Variants in CNBD1 observed in about 807,000 individuals in gnomAD.
CNBD1 encodes the protein cyclic nucleotide binding domain containing 1.
Under a neutral mutation model 54.4 loss-of-function variants are expected in CNBD1, and 71 were observed. The ratio of observed to expected loss-of-function variants is 1.30; its 90% CI spans 1.08 to 1.59. CNBD1 has a LOEUF of 1.59. CNBD1 is among the 40% of genes most tolerant of loss of function. The pLI is 0.00. For missense variants in CNBD1, 659 were observed against 518.0 expected (o/e 1.27, Z -2.64); for synonymous variants, 182 against 170.7 (o/e 1.07, Z -0.51).
Position 87,305,078 on chromosome 8 carries a change from G to A in CNBD1, c.1042+18407G>A, listed in dbSNP as rs182973542. Among the ~76,000 whole-genome samples, 108 of 152,208 alleles carry A rather than the reference G, an allele frequency of 7.1e-4. 1 individual carries two copies. Among genetic ancestry groups the A allele is most frequent in the Non-Finnish European group, 1.3e-3 (91 of 68,012 alleles). ...ATAAGTTTCTGGGTACAAGATTAAT[G>A]TGCACAAATCAGTAGCTCTTCTATA... On this transcript the variant is annotated intron_variant, in intron 8 of 10. Coordinates refer to ENST00000518476, the MANE Select transcript of CNBD1 (RefSeq NM_173538.3).
intron 4 of CNBD1, among the ~76,000 whole-genome samples, chr8:87,086,699 A>G (rs984608164): frequency 2.6e-5 from 4 of 152,162 alleles, no homozygotes; most frequent in Admixed American, 1.3e-4. Flanking sequence ...AAAAAAATTT[A>G]AATTATGTGA....
intron 4 of CNBD1, among the ~76,000 whole-genome samples, chr8:86,992,423 A>G (rs1440442253): frequency 1.3e-5 from 2 of 152,150 alleles, no homozygotes; most frequent in East Asian, 1.9e-4. Flanking sequence ...CTTTTTATTC[A>G]GGTTGCCACT....
intron 5 of CNBD1, among the ~76,000 whole-genome samples, chr8:87,225,408 T>C (rs1342003414): frequency 6.6e-5 from 10 of 152,204 alleles, no homozygotes; most frequent in Non-Finnish European, 1.0e-4. Flanking sequence ...TTTTGAAATA[T>C]GTCCCATCAA....
chr8:87,173,294 A>G (rs1035525290), intron 4 of CNBD1, among the ~76,000 whole-genome samples: 2 of 152,180 alleles, frequency 1.3e-5, no homozygotes, highest in Non-Finnish European at 2.9e-5. Context: ...TGGTTTTACT[A>G]CTTAAAATAA....
chr8:87,362,367 A>T (rs1810539087), intron 10 of CNBD1, among the ~76,000 whole-genome samples: 1 of 152,112 alleles, frequency 6.6e-6, no homozygotes, highest in Admixed American at 6.6e-5. Flanking sequence ...TGTTTATCCA[A>T]GTTCAGGAGG....
At position 87,210,455 on chromosome 8, in the gene CNBD1, G is replaced by A. The variant is rs147854208; in HGVS notation, c.577+4317G>A. 8.3e-3 allele frequency among the ~76,000 whole-genome samples: 1,263 copies of A among 152,298 alleles called. 28 individuals are homozygous for A. Among genetic ancestry groups the A allele is most frequent in the African/African-American group, 0.024 (998 of 41,578 alleles). On this transcript the variant is annotated intron_variant, in intron 5 of 10. Transcript: ENST00000518476. ...GGAAAAAGGCTTCAAAGGCATTTCA[G>A]AGATCTCCTAGGTAGACACTCCTAT...
At chr8:87,257,548 G>A (rs1808047588) in intron 6 of CNBD1, among the ~76,000 whole-genome samples, 2 of 151,842 alleles carry the variant, frequency 1.3e-5, no homozygotes, top group African/African-American at 4.8e-5. Flanking sequence ...TATTCAAATT[G>A]GATCATTTTA....
intron 2 of CNBD1, among the ~76,000 whole-genome samples, chr8:87,410,365 A>G (rs1807720826): frequency 6.6e-6 from 1 of 152,202 alleles, no homozygotes; most frequent in Non-Finnish European, 1.5e-5. Flanking sequence ...GCAAATGAAA[A>G]TCTTCTATAA....
At chr8:87,398,109 T>C (rs948066580) in intron 2 of CNBD1, among the ~76,000 whole-genome samples, 3 of 151,726 alleles carry the variant, frequency 2.0e-5, no homozygotes, top group Admixed American at 2.0e-4. Flanking sequence ...TTTTTAGATA[T>C]CAGCATCTTT....
chr8:87,340,115 C>T (rs1176495169), intron 8 of CNBD1, among the ~76,000 whole-genome samples: 3 of 152,074 alleles, frequency 2.0e-5, no homozygotes, highest in Admixed American at 6.6e-5. Context: ...GGAAACATCC[C>T]TCTCGTTTTC....
At chr8:87,172,187 ATTC>A (rs1813103316) in intron 4 of CNBD1, among the ~76,000 whole-genome samples, 1 of 151,978 alleles carries the variant, frequency 6.6e-6, no homozygotes, top group Non-Finnish European at 1.5e-5. Context: ...AATAATAAGA[ATTC>A]TTCTTGTTAT....
At chr8:87,185,880 A>G (rs1586315082) in intron 4 of CNBD1, among the ~76,000 whole-genome samples, 2 of 152,182 alleles carry the variant, frequency 1.3e-5, no homozygotes, top group South Asian at 4.1e-4. Context: ...CTCCTCAGTT[A>G]TGTCTCCTCA....
chr8:87,171,546 TATTA>T (rs1813086919), intron 4 of CNBD1, among the ~76,000 whole-genome samples: 1 of 152,058 alleles, frequency 6.6e-6, no homozygotes, highest in Admixed American at 6.5e-5. Flanking sequence ...TCTTTTTTTC[TATTA>T]ATTTTGGGTT....
At chr8:87,120,916 G>C (rs950745837) in intron 4 of CNBD1, among the ~76,000 whole-genome samples, 1 of 151,876 alleles carries the variant, frequency 6.6e-6, no homozygotes, top group African/African-American at 2.4e-5. Context: ...TTTGTGCTGG[G>C]CACATACATC....
chr8:87,265,151 T>G (rs1440091413), intron 6 of CNBD1, among the ~76,000 whole-genome samples: 1 of 152,136 alleles, frequency 6.6e-6, no homozygotes, highest in African/African-American at 2.4e-5. Flanking sequence ...ATGTGAGTCT[T>G]TAATCCGTCT....
chr8:87,140,956 T>A (rs894352612), intron 4 of CNBD1, among the ~76,000 whole-genome samples: 1 of 152,128 alleles, frequency 6.6e-6, no homozygotes, highest in Non-Finnish European at 1.5e-5. Context: ...ATCTTTTGTT[T>A]TCTTTAGCGA....
chr8:87,184,790 G>A (rs1360385004), intron 4 of CNBD1, among the ~76,000 whole-genome samples: 1 of 152,052 alleles, frequency 6.6e-6, no homozygotes, highest in African/African-American at 2.4e-5. Context: ...GTCTGCTGGT[G>A]TACTTGATGG....
At chr8:87,140,616 G>A (rs573207527) in intron 4 of CNBD1, among the ~76,000 whole-genome samples, 1 of 152,060 alleles carries the variant, frequency 6.6e-6, no homozygotes, top group East Asian at 1.9e-4. Context: ...GAGTACAATG[G>A]GGTATTGAAT....
chr8:87,266,438 C>CTTTTTTTTTTTTTTTTTTT (rs72293236), intron 6 of CNBD1, among the ~76,000 whole-genome samples: 1 of 50,120 alleles, frequency 2.0e-5, no homozygotes, highest in Non-Finnish European at 3.3e-5. Context: ...AAAAAAAAAT[C>CTTTTTTTTTTTTTTTTTTT]TTTTTTTTTT....
Sources: allele counts gnomAD v4.1 joint callset (sites outside exome capture counted in the v4.1 genomes callset), GRCh38; gene constraint gnomAD v4.1.1; transcripts MANE v1.5; gene names NCBI Gene and HGNC (gene_info 2026-07-23, HGNC 2026-07-21).